The following SERPINA3 variants were observed in gnomAD, a reference collection of about 807,000 sequenced individuals.
SERPINA3 encodes serpin family A member 3, also known as alpha-1-antichymotrypsin.
SERPINA3 carries 32 observed loss-of-function variants against 26.8 expected under a neutral mutation model. The ratio of observed to expected loss-of-function variants is 1.20; its 90% confidence interval spans 0.90 to 1.61. The LOEUF (loss-of-function observed/expected upper bound fraction) is 1.61. Ranked by LOEUF, SERPINA3 falls within the 40% of genes most tolerant of loss-of-function variation. SERPINA3 has a pLI of 0.00. For missense variants in SERPINA3, 632 were observed against 517.9 expected (o/e 1.22, Z -2.14); for synonymous variants, 252 against 206.4 (o/e 1.22, Z -1.89).
At chr14:94,623,156 T>A (rs1366715181) in intron 4 of SERPINA3, among the ~76,000 whole-genome samples, 1 of 152,206 alleles carries the variant, frequency 6.6e-6, no homozygotes, top group Non-Finnish European at 1.5e-5. Flanking sequence ...CCCAAGGATG[T>A]TTAAGCTAGA....
intron 1 of SERPINA3, 70 bp downstream of exon 1, chr14:94,612,517 CTGGAGTGTG>C: frequency 1.0e-6 from 1 of 993,608 alleles, no homozygotes; most frequent in Non-Finnish European, 1.4e-6. Context: ...AGGCAGCAGC[CTGGAGTGTG>C]TGGAGTGTGA....
At chr14:94,623,034 T>G (rs1164715427) in intron 4 of SERPINA3, among the ~76,000 whole-genome samples, 1 of 152,202 alleles carries the variant, frequency 6.6e-6, no homozygotes, top group East Asian at 1.9e-4. Flanking sequence ...CACACAGCAC[T>G]GGGTTGAGGT....
Position 94,619,282 on chromosome 14 carries a change from T to C in SERPINA3, c.731T>C (p.Met244Thr), listed in dbSNP as rs781639416. 7 of 1,613,418 alleles carry C rather than the reference T, an allele frequency of 4.3e-6. No individual in the cohort carries two copies. Among genetic ancestry groups the C allele is most frequent in the South Asian group, 1.1e-5 (1 of 91,068 alleles). Reference protein sequence around the residue: ...SKKKWVMVPMMSLHHLTIPYF... With the variant: ...SKKKWVMVPMTSLHHLTIPYF... ...AAAAAGTGGGTAATGGTGCCCATGA[T>C]GAGTTTGCATCACCTGACTATACCT... The change falls in exon 3 of 5, where the codon ATG becomes ACG. Residue 244 changes from methionine (M) to threonine (T), a missense_variant. Physicochemically the swap from Met to Thr is moderately conservative, Grantham distance 81. Coordinates refer to ENST00000393078, the MANE Select transcript of SERPINA3 (RefSeq NM_001085.5).
Position 94,615,180 on chromosome 14 carries a change from G to GCAAACCACTGT in SERPINA3, c.643+96_643+97insCAAACCACTGT, listed in dbSNP as rs1461001205. The GCAAACCACTGT allele has an allele frequency of 2.0e-5, 28 of 1,369,772 alleles. No individual in the cohort carries two copies. The Admixed American group carries it at 2.3e-4, about 11-fold the overall frequency. The allele number at this position is 1,369,772 out of a possible 1,614,324, so 84.9% of individuals were successfully genotyped here. On this transcript the variant is annotated intron_variant, in intron 2 of 4. Coordinates refer to ENST00000393078, the MANE Select transcript of SERPINA3 (RefSeq NM_001085.5). ...TGTTATTAGGCAAACCACTGTAGAGGAGAGTGCCCACAGCATGGGGGCAGC... is the reference window on the plus strand; with the variant it reads ...TGTTATTAGGCAAACCACTGTAGAGGCAAACCACTGTAGAGTGCCCACAGCATGGGGGCAGC...
chr14:94,620,132 G>A (rs1886146120), intron 3 of SERPINA3, among the ~76,000 whole-genome samples: 1 of 152,226 alleles, frequency 6.6e-6, no homozygotes, highest in South Asian at 2.1e-4. Context: ...GTTAGTTTGT[G>A]ATTTTAGATA....
rs995386165 is a variant in SERPINA3, at chr14:94,620,613, A to G, written c.917+1145A>G. Among the ~76,000 whole-genome samples the G allele has an allele frequency of 3.3e-5, 5 of 152,314 alleles. No individual in the cohort carries two copies. The Middle Eastern group carries it at 0.014, about 417-fold the overall frequency. ...AGAGGAGAATAACTGTAGAGCAGGTATGGAGTCAGTGACACCCGCAGGAAC... is the reference window on the plus strand; with the variant it reads ...AGAGGAGAATAACTGTAGAGCAGGTGTGGAGTCAGTGACACCCGCAGGAAC... On this transcript the variant is annotated intron_variant, in intron 3 of 4. Transcript: ENST00000393078.
At chr14:94,616,721 C>T (rs1361856644) in intron 2 of SERPINA3, among the ~76,000 whole-genome samples, 1 of 152,102 alleles carries the variant, frequency 6.6e-6, no homozygotes, top group East Asian at 1.9e-4. Context: ...CGGTTTTCGT[C>T]TTTTCTCTTA....
intron 2 of SERPINA3, among the ~76,000 whole-genome samples, chr14:94,615,895 A>G (rs1233618543): frequency 6.6e-6 from 1 of 152,170 alleles, no homozygotes; most frequent in Non-Finnish European, 1.5e-5. Context: ...GGGACAAAAA[A>G]AGAGATAGGG....
rs200519805 is a variant in SERPINA3 at position 94,622,420 on chromosome 14, A to C, written c.997A>C (p.Ile333Leu). The change falls in exon 4 of 5, where the codon ATT becomes CTT. Residue 333 changes from isoleucine to leucine, a missense_variant. Coordinates refer to ENST00000393078, the MANE Select transcript of SERPINA3 (RefSeq NM_001085.5). The stretch of plus-strand genomic sequence containing the variant: ...GAACGACATACTTCTCCAGCTGGGC[A>C]TTGAGGAAGCCTTCACCAGCAAGGC... ...NLNDILLQLG[I>L]EEAFTSKADL... 112 of 1,614,014 alleles carry C rather than the reference A, an allele frequency of 6.9e-5. 2 individuals carry two copies. The Admixed American group carries it at 1.5e-3, about 21-fold the overall frequency.
intron 3 of SERPINA3, among the ~76,000 whole-genome samples, chr14:94,622,083 G>A (rs2284658): frequency 0.25 from 38,584 of 152,224 alleles, 4,989 homozygotes; most frequent in Middle Eastern, 0.37. Context: ...CAGGGAAAGG[G>A]CAGGGCCAGG....
intron 3 of SERPINA3, among the ~76,000 whole-genome samples, chr14:94,622,105 C>A (rs1415141815): frequency 6.6e-6 from 1 of 152,212 alleles, no homozygotes; most frequent in East Asian, 1.9e-4. Flanking sequence ...TCGAGCAGGG[C>A]CACAACTCCA....
chr14:94,621,578 A>G (rs910350), intron 3 of SERPINA3, among the ~76,000 whole-genome samples: 75,925 of 151,972 alleles, frequency 0.5, 20,726 homozygotes, highest in African/African-American at 0.74. Flanking sequence ...TGCAGGTGGC[A>G]GGTGTGACCT....
In SERPINA3 at chr14:94,619,452, G is replaced by A. The variant is rs1485036256; in HGVS notation, c.901G>A (p.Asp301Asn). 3.1e-6 allele frequency: 5 copies of A among 1,613,966 alleles called. No homozygotes were observed. In the African/African-American group the frequency reaches 4.0e-5, roughly 13 times the overall value. Residue 301 changes from aspartate to asparagine, a missense_variant, in exon 3 of 5, where the codon GAC becomes AAC. By Grantham distance (23) the Asp-to-Asn change is conservative. Coordinates refer to ENST00000393078, the MANE Select transcript of SERPINA3 (RefSeq NM_001085.5). ...CCCAGAGACCCTGAAGCGGTGGAGA[G>A]ACTCTCTGGAGTTCAGGTGATTCTT... Reference protein sequence around the residue: ...LLPETLKRWRDSLEFREIGEL... With the variant: ...LLPETLKRWRNSLEFREIGEL...
chr14:94,614,154 T>G, intron 1 of SERPINA3: 1 of 461,274 alleles, frequency 2.2e-6, no homozygotes. Flanking sequence ...CTGGGCTCCT[T>G]TACCTGTTTG....
At chr14:94,616,472 G>A (rs1886003930) in intron 2 of SERPINA3, among the ~76,000 whole-genome samples, 1 of 152,168 alleles carries the variant, frequency 6.6e-6, no homozygotes, top group South Asian at 2.1e-4. Flanking sequence ...GTGGAAGGTG[G>A]AGGGGACCGA....
At chr14:94,616,652 G>A (rs1226321966) in intron 2 of SERPINA3, among the ~76,000 whole-genome samples, 1 of 152,136 alleles carries the variant, frequency 6.6e-6, no homozygotes, top group Non-Finnish European at 1.5e-5. Flanking sequence ...AAGGGGGTGG[G>A]GGCATCCAAC....
chr14:94,622,559 C>A, intron 4 of SERPINA3, 68 bp downstream of exon 4: 3 of 1,551,252 alleles, frequency 1.9e-6, no homozygotes, highest in Admixed American at 1.7e-5. Flanking sequence ...GCCAGATGGA[C>A]TTTTGGGTAC....
At chr14:94,617,559 G>A (rs1345065012) in intron 2 of SERPINA3, 1 of 152,208 alleles carries the variant, frequency 6.6e-6, no homozygotes, top group African/African-American at 2.4e-5. Context: ...AATTCTCGCA[G>A]CGGCTCTGAA....
intron 2 of SERPINA3, among the ~76,000 whole-genome samples, chr14:94,616,658 C>T (rs562699457): frequency 1.3e-5 from 2 of 152,148 alleles, no homozygotes; most frequent in African/African-American, 4.8e-5. Flanking sequence ...GTGGGGGCAT[C>T]CAACCAGGGG....
Sources: allele counts gnomAD v4.1 joint callset (sites outside exome capture counted in the v4.1 genomes callset), GRCh38; gene constraint gnomAD v4.1.1; transcripts MANE v1.5; gene names NCBI Gene and HGNC (gene_info 2026-07-23, HGNC 2026-07-21).